Variants in PCDHGA8 observed in about 807,000 individuals in gnomAD.
PCDHGA8 encodes protocadherin gamma-A8.
A neutral mutation model predicts 59.2 loss-of-function variants in PCDHGA8; 45 were observed. The observed-to-expected ratio is 0.76, with a 90% CI of 0.60 to 0.98. The LOEUF (loss-of-function observed/expected upper bound fraction) is 0.98, where lower values mean the gene tolerates loss of function less well. Ranked by LOEUF, PCDHGA8 falls within the 50% of genes least tolerant of loss-of-function variation. PCDHGA8 has a pLI of 0.00. For missense variants in PCDHGA8, 1,257 were observed against 1,196.2 expected, an observed-to-expected ratio of 1.05 and a Z score of -0.75; for synonymous variants, 531 against 519.0, an observed-to-expected ratio of 1.02 and a Z score of -0.32.
In PCDHGA8 at chr5:141,432,536, G is replaced by A. The variant is rs767744134; in HGVS notation, c.2424+37299G>A. 6.2e-7 allele frequency: 1 copy of A among 1,614,050 alleles called. No individual in the cohort carries two copies. Among genetic ancestry groups the A allele is most frequent in the Non-Finnish European group, 8.5e-7 (1 of 1,180,006 alleles). On this transcript the variant is annotated intron_variant, in intron 1 of 3. Coordinates refer to ENST00000398604, the MANE Select transcript of PCDHGA8 (RefSeq NM_032088.2). This position sits in a 1 kb window ranked among gnomAD's most constrained non-coding sequence, Gnocchi z 6.0. ...CGGCTACCTGGTGACCAAGGTGGTG[G>A]CGGTGGACAGAGACTCCGGCCAGAA...
At chr5:141,428,163 C>T (rs759273230) in intron 1 of PCDHGA8, 77 of 1,564,636 alleles carry the variant, frequency 4.9e-5, no homozygotes, top group Non-Finnish European at 6.3e-5. Flanking sequence ...CTGCTGGTTG[C>T]TGTGCGTGAC....
chr5:141,429,377 GTT>G (rs566693637), intron 1 of PCDHGA8, among the ~76,000 whole-genome samples: 7 of 149,436 alleles, frequency 4.7e-5, no homozygotes, highest in African/African-American at 1.7e-4. Flanking sequence ...GAGAAAATGT[GTT>G]TTTTTTTTAA....
intron 2 of PCDHGA8, among the ~76,000 whole-genome samples, chr5:141,500,112 C>G (rs2099796438): frequency 6.8e-6 from 1 of 147,138 alleles, no homozygotes; most frequent in Non-Finnish European, 1.5e-5. Context: ...TGTTGAATCC[C>G]TGCCTTTTCA....
intron 1 of PCDHGA8, among the ~76,000 whole-genome samples, chr5:141,483,084 C>CA (rs898059463): frequency 8.0e-5 from 12 of 150,326 alleles, no homozygotes; most frequent in Admixed American, 2.0e-4. Context: ...GACTCCATCT[C>CA]AAAAAAAAAG....
At chr5:141,427,946 T>A (rs769401863) in intron 1 of PCDHGA8, 1 of 1,586,550 alleles carries the variant, frequency 6.3e-7, no homozygotes, top group Middle Eastern at 1.7e-4. Flanking sequence ...GCGACCTCAA[T>A]GACAATGTGC....
chr5:141,442,457 T>G (rs1209684998), intron 1 of PCDHGA8: 1 of 152,268 alleles, frequency 6.6e-6, no homozygotes, highest in African/African-American at 2.4e-5. Context: ...AATAGCAGTT[T>G]CACTGCAGAA....
At chr5:141,510,315 G>A (rs2099880567) in intron 3 of PCDHGA8, among the ~76,000 whole-genome samples, 1 of 151,324 alleles carries the variant, frequency 6.6e-6, no homozygotes, top group African/African-American at 2.4e-5. Flanking sequence ...TGGAGGCTTG[G>A]AAGAGCACTC....
intron 1 of PCDHGA8, chr5:141,419,707 C>T (rs781629810): frequency 4.6e-5 from 74 of 1,613,062 alleles, no homozygotes; most frequent in Middle Eastern, 1.7e-4. Flanking sequence ...AGCCCGGGCT[C>T]TTCAGCCTGG....
Position 141,490,198 on chromosome 5 carries a change from G to A in PCDHGA8, c.2425-4609G>A. ...GGAGTCACGTTTCTATGAAATTCAT[G>A]CAAGAGCCCGTGACCAGGGACAGCC... On this transcript the variant is annotated intron_variant, in intron 1 of 3. Coordinates refer to ENST00000398604, the MANE Select transcript of PCDHGA8 (RefSeq NM_032088.2). The surrounding 1 kb of genome is among the most constrained non-coding windows in gnomAD (Gnocchi z 5.4). The A allele has an allele frequency of 6.2e-7, 1 of 1,614,208 alleles. No homozygotes were observed. Among genetic ancestry groups the A allele is most frequent in the Non-Finnish European group, 8.5e-7 (1 of 1,180,038 alleles).
chr5:141,454,832 G>A (rs1311246854), intron 1 of PCDHGA8, among the ~76,000 whole-genome samples: 2 of 75,830 alleles, frequency 2.6e-5, no homozygotes, highest in African/African-American at 1.3e-4. Context: ...TTTTGAGACA[G>A]AGTCGCGCTC....
At chr5:141,501,569 G>A (rs1401631416) in intron 2 of PCDHGA8, among the ~76,000 whole-genome samples, 3 of 151,998 alleles carry the variant, frequency 2.0e-5, no homozygotes, top group African/African-American at 7.2e-5. Flanking sequence ...AATCATATTA[G>A]GCTGGCTTTC....
intron 1 of PCDHGA8, chr5:141,399,528 C>A: frequency 6.2e-7 from 1 of 1,614,046 alleles, no homozygotes; most frequent in Non-Finnish European, 8.5e-7. Flanking sequence ...GGGCCTCCAT[C>A]GCGCAAGTCT....
In PCDHGA8 at chr5:141,394,839, G is replaced by A. The variant is rs1190397731; in HGVS notation, c.2026G>A (p.Gly676Ser). 1 of 1,613,834 alleles carries A rather than the reference G, an allele frequency of 6.2e-7. No individual in the cohort carries two copies. Among genetic ancestry groups the A allele is most frequent in the Non-Finnish European group, 8.5e-7 (1 of 1,179,956 alleles). Residue 676 changes from glycine to serine, a missense_variant, in exon 1 of 4, where the codon GGC becomes AGC. Coordinates refer to ENST00000398604, the MANE Select transcript of PCDHGA8 (RefSeq NM_032088.2). ...CATCCCCGAAGTCCTGACCGAGTTGGGCAGTCTGAAGCCTTCGGTCGACCC... is the reference window on the plus strand; with the variant it reads ...CATCCCCGAAGTCCTGACCGAGTTGAGCAGTCTGAAGCCTTCGGTCGACCC... ...DSIPEVLTEL[G>S]SLKPSVDPND...
chr5:141,492,230 C>T (rs1286145654), intron 1 of PCDHGA8, among the ~76,000 whole-genome samples: 1 of 152,196 alleles, frequency 6.6e-6, no homozygotes. Flanking sequence ...CGTGTCCTCC[C>T]TGCTGGCCAC....
Position 141,491,665 on chromosome 5 carries a change from C to G in PCDHGA8, c.2425-3142C>G. The stretch of plus-strand genomic sequence containing the variant: ...TCTGGCGCTGGAGCCTGACGCCATC[C>G]GGTCCCGCTCTAATACGCTGCGGGA... On this transcript the variant is annotated intron_variant, in intron 1 of 3. Transcript: ENST00000398604. This position sits in a 1 kb window ranked among gnomAD's most constrained non-coding sequence, Gnocchi z 6.9. 1 of 1,613,764 alleles carries G rather than the reference C, an allele frequency of 6.2e-7. No homozygotes were observed. Among genetic ancestry groups the G allele is most frequent in the Non-Finnish European group, 8.5e-7 (1 of 1,180,000 alleles).
chr5:141,473,476 A>G (rs1300050332), intron 1 of PCDHGA8, among the ~76,000 whole-genome samples: 15 of 151,558 alleles, frequency 9.9e-5, no homozygotes, highest in Admixed American at 9.2e-4. Context: ...GCCAAGTTCA[A>G]TGGAAAAAAT....
At chr5:141,500,866 A>G (rs576713520) in intron 2 of PCDHGA8, among the ~76,000 whole-genome samples, 19 of 146,112 alleles carry the variant, frequency 1.3e-4, no homozygotes, top group South Asian at 4.3e-4. Context: ...AAACATACAC[A>G]TTCATTTACA....
rs372018713 is a variant in PCDHGA8, at chr5:141,418,097, C to G, written c.2424+22860C>G. ...GAAGCTGCACTTCAGCGTAGACGCG[C>G]AGAGCGGGGACTTACTTGTGAAGGA... On this transcript the variant is annotated intron_variant, in intron 1 of 3. Coordinates refer to ENST00000398604, the MANE Select transcript of PCDHGA8 (RefSeq NM_032088.2). The G allele has an allele frequency of 5.7e-4, 921 of 1,613,980 alleles. 9 individuals are homozygous for G. The South Asian group carries it at 6.8e-3, about 12-fold the overall frequency.
intron 1 of PCDHGA8, chr5:141,413,071 G>A (rs1589838233): frequency 1.7e-6 from 2 of 1,211,262 alleles, no homozygotes; most frequent in Admixed American, 2.8e-5. Flanking sequence ...AATTTAAAGT[G>A]CCCAGGCTAC....
Sources: gnomAD v4.1 joint callset for allele counts (sites outside exome capture counted in the v4.1 genomes callset) on GRCh38, gnomAD v4.1.1 for gene constraint, Gnocchi (gnomAD v3.1) non-coding constraint, MANE v1.5 for transcripts, NCBI Gene and HGNC (gene_info 2026-07-23, HGNC 2026-07-21) for gene names.